Variants in PRKCB observed in about 807,000 individuals in gnomAD.
PRKCB encodes the protein protein kinase C beta, also known as protein kinase C beta type.
Under a neutral mutation model 81.5 loss-of-function variants are expected in PRKCB, and 13 were observed. The observed-to-expected ratio is 0.16, with a 90% confidence interval of 0.10 to 0.25. The LOEUF (loss-of-function observed/expected upper bound fraction) is 0.25, where lower values mean the gene tolerates loss of function less well. PRKCB is among the 10% of genes least tolerant of loss of function. PRKCB has a pLI of 1.00. For missense variants in PRKCB, 509 were observed against 875.7 expected (o/e 0.58, Z 5.29); for synonymous variants, 335 against 321.4 (o/e 1.04, Z -0.45).
At chr16:23,872,111 G>C (rs1040017207) in intron 2 of PRKCB, among the ~76,000 whole-genome samples, 1 of 152,082 alleles carries the variant, frequency 6.6e-6, no homozygotes, top group African/African-American at 2.4e-5. Context: ...GCAGGCCTTG[G>C]TGCCAGCAGC....
chr16:23,967,547 A>C (rs751620412), intron 2 of PRKCB, among the ~76,000 whole-genome samples: 48 of 152,252 alleles, frequency 3.2e-4, no homozygotes, highest in Non-Finnish European at 5.9e-4. Flanking sequence ...TATCAGGAAC[A>C]ATTCCTAACA....
intron 9 of PRKCB, chr16:24,151,929 C>T (rs1967086151): frequency 2.2e-6 from 1 of 454,244 alleles, no homozygotes; most frequent in Non-Finnish European, 4.4e-6. Context: ...TCTGCCCTGT[C>T]TCTCTTCCAT....
At chr16:24,059,122 T>G (rs1965941345) in intron 5 of PRKCB, among the ~76,000 whole-genome samples, 2 of 152,120 alleles carry the variant, frequency 1.3e-5, no homozygotes, top group Admixed American at 1.3e-4. Flanking sequence ...GAGATGTTTT[T>G]GGGTTGCATG....
At chr16:23,938,373 C>T (rs1199165078) in intron 2 of PRKCB, among the ~76,000 whole-genome samples, 1 of 152,172 alleles carries the variant, frequency 6.6e-6, no homozygotes, top group African/African-American at 2.4e-5. Flanking sequence ...AAGATGTACT[C>T]TGATTGAGAG....
At position 23,953,815 on chromosome 16, in the gene PRKCB, C is replaced by T. The variant is rs180702148; in HGVS notation, c.206-34693C>T. 2.6e-5 allele frequency among the ~76,000 whole-genome samples: 4 copies of T among 151,940 alleles called. No homozygotes were observed. The East Asian group carries it at 7.7e-4, about 29-fold the overall frequency. On this transcript the variant is annotated intron_variant, in intron 2 of 16. Transcript: ENST00000643927. The stretch of plus-strand genomic sequence containing the variant: ...ATAAATAAGACAGACCCAGTCACTG[C>T]TCTCAAGGAGCATATAGTCAAAGAG...
At chr16:23,873,303 G>A (rs1962942433) in intron 2 of PRKCB, among the ~76,000 whole-genome samples, 1 of 151,590 alleles carries the variant, frequency 6.6e-6, no homozygotes, top group South Asian at 2.1e-4. Context: ...AGCCTGGGAG[G>A]TGGAGGTTGC....
At chr16:24,191,623 T>C (rs373660673) in intron 16 of PRKCB, 1 of 161,324 alleles carries the variant, frequency 6.2e-6, no homozygotes, top group East Asian at 1.8e-4. Flanking sequence ...CATACTGACA[T>C]TGAAAAGGTC....
At chr16:24,177,839 C>T (rs1299947889) in intron 12 of PRKCB, among the ~76,000 whole-genome samples, 1 of 152,124 alleles carries the variant, frequency 6.6e-6, no homozygotes, top group African/African-American at 2.4e-5. Context: ...TCTTCAGTCT[C>T]CTCAAAGATT....
rs891266082 is a variant in PRKCB, at chr16:24,219,127, C to G, written c.*4311C>G. 3 of 985,340 alleles carry G rather than the reference C, an allele frequency of 3.0e-6. No individual in the cohort carries two copies. The highest frequency in any genetic ancestry group is 2.3e-4 in the East Asian group (2 of 8,828). The allele number at this position is 985,340 out of a possible 1,614,324, so 61.0% of individuals were successfully genotyped here. A position where few individuals can be genotyped will look rare whatever the true frequency, so the allele number is the denominator to read the frequency against. ...TTATTAGCCCACATTCTGATGTTCCCTGGTGAGACTTGCCCCAAGCAATTG... is the reference window on the plus strand; with the variant it reads ...TTATTAGCCCACATTCTGATGTTCCGTGGTGAGACTTGCCCCAAGCAATTG... On this transcript the variant is annotated 3_prime_UTR_variant, in exon 17 of 17. Transcript: ENST00000643927.
intron 3 of PRKCB, among the ~76,000 whole-genome samples, chr16:24,024,280 G>GAGAGT (rs1432462496): frequency 6.6e-6 from 1 of 152,214 alleles, no homozygotes; most frequent in Admixed American, 6.5e-5. Context: ...CACAGAAGTA[G>GAGAGT]AGAGTAGAAT....
intron 7 of PRKCB, among the ~76,000 whole-genome samples, chr16:24,106,742 A>C (rs538354949): frequency 2.6e-5 from 4 of 152,312 alleles, no homozygotes; most frequent in Non-Finnish European, 4.4e-5. Flanking sequence ...CAAAGATATG[A>C]TACAAAGATT....
chr16:23,935,890 G>T (rs185119326), intron 2 of PRKCB, among the ~76,000 whole-genome samples: 3 of 152,088 alleles, frequency 2.0e-5, no homozygotes, highest in Admixed American at 6.5e-5. Context: ...GGGAGGGGTG[G>T]GTTTAAAAAC....
intron 16 of PRKCB, among the ~76,000 whole-genome samples, chr16:24,192,934 A>G (rs375182746): frequency 1.7e-4 from 26 of 152,150 alleles, no homozygotes; most frequent in African/African-American, 6.3e-4. Context: ...CAGAGACCAG[A>G]GGGAGGTAGC....
chr16:24,020,509 GA>G (rs1309408256), intron 3 of PRKCB, among the ~76,000 whole-genome samples: 1 of 152,144 alleles, frequency 6.6e-6, no homozygotes, highest in African/African-American at 2.4e-5. Flanking sequence ...TTTCTCTTGG[GA>G]ATAATAAAAT....
At chr16:24,157,863 G>A (rs56793742) in intron 10 of PRKCB, among the ~76,000 whole-genome samples, 6,968 of 149,532 alleles carry the variant, frequency 0.047, 531 homozygotes, top group African/African-American at 0.16. Flanking sequence ...CTCTCTAGCC[G>A]TGCTGAACTC....
At chr16:23,849,130 G>A (rs1180912491) in intron 2 of PRKCB, among the ~76,000 whole-genome samples, 1 of 152,252 alleles carries the variant, frequency 6.6e-6, no homozygotes, top group Non-Finnish European at 1.5e-5. Flanking sequence ...ACTTTAATTT[G>A]TGGGAAACCT....
chr16:24,016,410 T>C (rs1965278228), intron 3 of PRKCB, among the ~76,000 whole-genome samples: 1 of 151,964 alleles, frequency 6.6e-6, no homozygotes, highest in African/African-American at 2.4e-5. Flanking sequence ...CTAAGATCAC[T>C]CGTTGAAACA....
At chr16:23,975,538 A>G (rs1185514272) in intron 2 of PRKCB, among the ~76,000 whole-genome samples, 1 of 152,114 alleles carries the variant, frequency 6.6e-6, no homozygotes. Flanking sequence ...GACCTGTCAA[A>G]CCTCATAGTT....
chr16:23,866,951 TCTTCCTTCC>T lies in PRKCB; in HGVS notation c.205+29591_205+29599del, dbSNP rs139638549. Among the ~76,000 whole-genome samples the T allele has an allele frequency of 5.2e-4, 62 of 119,178 alleles. 4 individuals are homozygous for T. Among genetic ancestry groups the T allele is most frequent in the South Asian group, 6.8e-4 (2 of 2,920 alleles). The allele number at this position is 119,178 out of a possible 152,430, so 78.2% of individuals were successfully genotyped here. A position where few individuals can be genotyped will look rare whatever the true frequency, so the allele number is the denominator to read the frequency against. Reference sequence around the variant, plus strand: ...CTCTTCCCTTCCCTTCCCCTTCCTTTCTTCCTTCCCTTCCTTCCCTTCCTTCCCTTCCTT... The same window carrying T: ...CTCTTCCCTTCCCTTCCCCTTCCTTTCTTCCTTCCCTTCCTTCCCTTCCTT... On this transcript the variant is annotated intron_variant, in intron 2 of 16. Transcript: ENST00000643927.
Sources: gnomAD v4.1 joint callset for allele counts (sites outside exome capture counted in the v4.1 genomes callset) on GRCh38, gnomAD v4.1.1 for gene constraint, MANE v1.5 for transcripts, NCBI Gene and HGNC (gene_info 2026-07-23, HGNC 2026-07-21) for gene names.